Variants in KCNQ1OT1 observed in about 807,000 individuals in gnomAD.
The protein encoded by KCNQ1OT1 is KCNQ1 antisense RNA 2 (non-protein coding).
chr11:2,689,693 G>A (rs1850557546), exon 1 of KCNQ1OT1: 1 of 398,546 alleles, frequency 2.5e-6, no homozygotes. Flanking sequence ...TAGCTGCAGG[G>A]GCAGCTGTCC....
At chr11:2,666,027 A>G (rs1850060442) in exon 1 of KCNQ1OT1, 3 of 398,518 alleles carry the variant, frequency 7.5e-6, no homozygotes, top group Non-Finnish European at 1.3e-5. Context: ...TTGGTTGCAC[A>G]TGGATACCTG....
Position 2,631,205 on chromosome 11 carries a change from A to G in KCNQ1OT1, n.68790T>C, listed in dbSNP as rs1849347242. ...CCCTTTACCTCTCTACTTTCCTTCT[A>G]TAAATCCTGTGTGAACATTAACTCT... On this transcript the variant is annotated non_coding_transcript_exon_variant, in exon 1 of 1. Coordinates refer to ENST00000597346, the Ensembl canonical transcript of KCNQ1OT1. The G allele has an allele frequency of 1.5e-5, 6 of 398,416 alleles. 1 individual carries two copies. In the South Asian group the frequency reaches 7.6e-4, roughly 51 times the overall value. 24.7% of individuals were successfully genotyped at this position (398,416 alleles called of 1,614,324 possible).
chr11:2,687,695 G>A lies in KCNQ1OT1; in HGVS notation n.12300C>T, dbSNP rs1013898404. On this transcript the variant is annotated non_coding_transcript_exon_variant, in exon 1 of 1. Coordinates refer to ENST00000597346, the Ensembl canonical transcript of KCNQ1OT1. This position sits in a 1 kb window ranked among gnomAD's most constrained non-coding sequence, Gnocchi z 5.0. ...CTCAGGGAGCTCAGGGTTCAGTGTTGGAATGGGTCTGGGCCCAGATTTCAA... is the reference window on the plus strand; with the variant it reads ...CTCAGGGAGCTCAGGGTTCAGTGTTAGAATGGGTCTGGGCCCAGATTTCAA... The A allele has an allele frequency of 2.5e-6, 1 of 398,646 alleles. No homozygotes were observed. The highest frequency in any genetic ancestry group is 4.4e-5 in the Admixed American group (1 of 22,718). The allele number at this position is 398,646 out of a possible 1,614,324, so 24.7% of individuals were successfully genotyped here. A position where few individuals can be genotyped will look rare whatever the true frequency, so the allele number is the denominator to read the frequency against.
In KCNQ1OT1 at chr11:2,696,877, GGTTT is replaced by G. The variant is rs546141113; in HGVS notation, n.3114_3117del. On this transcript the variant is annotated non_coding_transcript_exon_variant, in exon 1 of 1. Coordinates refer to ENST00000597346, the Ensembl canonical transcript of KCNQ1OT1. ...AGTTGCTATTGGCATAAAGAAATGT[GGTTT>G]GTTTTTGTTTTTTGTTTTGAGTACA... 7.9e-4 allele frequency: 316 copies of G among 398,328 alleles called. 1 individual carries two copies. The highest frequency in any genetic ancestry group is 6.1e-3 in the African/African-American group (298 of 48,668). The allele number at this position is 398,328 out of a possible 1,614,324, so 24.7% of individuals were successfully genotyped here.
Position 2,621,827 on chromosome 11 carries a change from T to G in KCNQ1OT1, n.78168A>C. 2.5e-6 allele frequency: 1 copy of G among 398,362 alleles called. No individual in the cohort carries two copies. Among genetic ancestry groups the G allele is most frequent in the Non-Finnish European group, 4.4e-6 (1 of 225,944 alleles). 24.7% of individuals were successfully genotyped at this position (398,362 alleles called of 1,614,324 possible). ...CAATTCTTTGTTTCAAAAATTGAAG[T>G]CTTAGTTTTACTGACTTTTTTCCCC... is the stretch of plus-strand genomic sequence containing the variant. On this transcript the variant is annotated non_coding_transcript_exon_variant, in exon 1 of 1. Coordinates refer to ENST00000597346, the Ensembl canonical transcript of KCNQ1OT1. This position sits in a 1 kb window ranked among gnomAD's most constrained non-coding sequence, Gnocchi z 5.7.
At chr11:2,692,453 C>G (rs1284030223) in exon 1 of KCNQ1OT1, 5 of 398,618 alleles carry the variant, frequency 1.3e-5, no homozygotes, top group Non-Finnish European at 2.2e-5. Flanking sequence ...GTGGGTCTTG[C>G]TTAATCCTGC....
chr11:2,643,054 T>C (rs1422638609), exon 1 of KCNQ1OT1: 3 of 397,892 alleles, frequency 7.5e-6, no homozygotes, highest in Non-Finnish European at 1.3e-5. Flanking sequence ...TATATATATA[T>C]TTAAAATCAT....
At chr11:2,662,595 C>G in exon 1 of KCNQ1OT1, 1 of 416,912 alleles carries the variant, frequency 2.4e-6, no homozygotes, top group East Asian at 3.4e-5. Flanking sequence ...GCCCGTCCTC[C>G]CCCGCCGTCA....
chr11:2,630,222 A>G (rs1849331062), exon 1 of KCNQ1OT1: 1 of 398,186 alleles, frequency 2.5e-6, no homozygotes, highest in Non-Finnish European at 4.4e-6. Context: ...CATTTCTTGT[A>G]TATGTACACT....
chr11:2,699,674 G>GCGCCGAAGAACCCCCGGGGAGAACCT (rs1850753576), exon 1 of KCNQ1OT1: 1 of 356,762 alleles, frequency 2.8e-6, no homozygotes, highest in Non-Finnish European at 5.0e-6. Flanking sequence ...GGGGAGAACC[G>GCGCCGAAGAACCCCCGGGGAGAACCT]CGCCGAAAAG....
At chr11:2,675,348 AG>A in exon 1 of KCNQ1OT1, 1 of 398,668 alleles carries the variant, frequency 2.5e-6, no homozygotes, top group Non-Finnish European at 4.4e-6. Context: ...TTTTTTAATG[AG>A]TTTAAAACAC....
chr11:2,640,116 T>G (rs1278538557), exon 1 of KCNQ1OT1: 3 of 299,296 alleles, frequency 1.0e-5, no homozygotes, highest in Non-Finnish European at 1.8e-5. Context: ...ACCCCTTCCG[T>G]TGGCTAGGAA....
rs1850657059 is a variant in KCNQ1OT1, at chr11:2,695,413, G to C, written n.4582C>G. ...AATTTTAATTTAAATACACAGTCAT[G>C]TACTGAGGCCCTCTTTCTGTTTGGC... On this transcript the variant is annotated non_coding_transcript_exon_variant, in exon 1 of 1. Transcript: ENST00000597346. The surrounding 1 kb of genome is among the most constrained non-coding windows in gnomAD (Gnocchi z 5.2). 1.0e-5 allele frequency: 4 copies of C among 398,642 alleles called. No individual in the cohort carries two copies. In the South Asian group the frequency reaches 5.1e-4, roughly 51 times the overall value. The allele number at this position is 398,642 out of a possible 1,614,324, so 24.7% of individuals were successfully genotyped here.
chr11:2,670,409 T>G lies in KCNQ1OT1; in HGVS notation n.29586A>C. ...TTAACCAGACACCTACTATGTGTATTTCTTGTGTTGGGGTTAGGAGATACT... is the reference window on the plus strand; with the variant it reads ...TTAACCAGACACCTACTATGTGTATGTCTTGTGTTGGGGTTAGGAGATACT... On this transcript the variant is annotated non_coding_transcript_exon_variant, in exon 1 of 1. Transcript: ENST00000597346. This position sits in a 1 kb window ranked among gnomAD's most constrained non-coding sequence, Gnocchi z 4.9. The G allele has an allele frequency of 2.5e-6, 1 of 398,246 alleles. No homozygotes were observed. The highest frequency in any genetic ancestry group is 4.4e-6 in the Non-Finnish European group (1 of 226,022). The allele number at this position is 398,246 out of a possible 1,614,324, so 24.7% of individuals were successfully genotyped here.
exon 1 of KCNQ1OT1, chr11:2,650,272 T>TA (rs1849736388): frequency 1.5e-5 from 6 of 398,498 alleles, no homozygotes; most frequent in Non-Finnish European, 2.7e-5. Context: ...CTTTGGAGTC[T>TA]ATTATTGGAG....
chr11:2,666,664 T>G (rs1850074688), exon 1 of KCNQ1OT1: 4 of 398,602 alleles, frequency 1.0e-5, no homozygotes, highest in Non-Finnish European at 1.8e-5. Flanking sequence ...CTAGCTCTTT[T>G]GATGGGACCA....
exon 1 of KCNQ1OT1, chr11:2,625,017 CTG>C (rs1447176080): frequency 1.0e-5 from 4 of 398,404 alleles, no homozygotes; most frequent in African/African-American, 8.2e-5. Flanking sequence ...GATGTTTTAA[CTG>C]TTGTAAATAA....
exon 1 of KCNQ1OT1, chr11:2,622,044 A>C: frequency 2.5e-6 from 1 of 395,420 alleles, no homozygotes; most frequent in Non-Finnish European, 4.4e-6. Flanking sequence ...CTTTTGCTGC[A>C]TGTTTTGCTT....
chr11:2,681,772 C>G (rs1474667320), exon 1 of KCNQ1OT1: 1 of 398,380 alleles, frequency 2.5e-6, no homozygotes, highest in Admixed American at 4.4e-5. Context: ...GCCCTGGGAC[C>G]TGGGAGGACC....
Sources: allele counts gnomAD v4.1 joint callset, GRCh38; gene constraint gnomAD v4.1.1; non-coding constraint Gnocchi (gnomAD v3.1); transcripts MANE v1.5; gene names NCBI Gene and HGNC (gene_info 2026-07-23, HGNC 2026-07-21).